The following ADAP2 variants were observed in gnomAD, a reference collection of about 807,000 sequenced individuals.
The protein encoded by ADAP2 is ArfGAP with dual PH domains 2.
ADAP2 carries 42 observed loss-of-function variants against 54.9 expected under a neutral mutation model. The observed-to-expected ratio is 0.77, with a 90% CI of 0.60 to 0.99. The LOEUF (loss-of-function observed/expected upper bound fraction) is 0.99. Ranked by LOEUF, ADAP2 falls within the 50% of genes least tolerant of loss-of-function variation. ADAP2 has a pLI of 0.00. For missense variants in ADAP2, 429 were observed against 480.4 expected, an observed-to-expected ratio of 0.89 and a Z score of 1.00; for synonymous variants, 177 against 180.1, an observed-to-expected ratio of 0.98 and a Z score of 0.14.
At chr17:30,941,097 T>G (rs2142549121) in intron 5 of ADAP2, among the ~76,000 whole-genome samples, 1 of 152,326 alleles carries the variant, frequency 6.6e-6, no homozygotes, top group South Asian at 2.1e-4. Context: ...AAATTTCCAT[T>G]GAAAGCTCTG....
At chr17:30,923,190 G>GGC in intron 2 of ADAP2, 120 bp downstream of exon 2, 1 of 1,160,786 alleles carries the variant, frequency 8.6e-7, no homozygotes, top group Middle Eastern at 1.9e-4. Flanking sequence ...AGTCTAGCTA[G>GGC]AGGAAACACA....
At chr17:30,948,268 T>G (rs747140781) in intron 6 of ADAP2, among the ~76,000 whole-genome samples, 1 of 152,008 alleles carries the variant, frequency 6.6e-6, no homozygotes, top group African/African-American at 2.4e-5. Context: ...ACTGATTAGA[T>G]TTGTAATTAG....
At chr17:30,928,904 C>T (rs528012275) in intron 3 of ADAP2, among the ~76,000 whole-genome samples, 2 of 152,310 alleles carry the variant, frequency 1.3e-5, no homozygotes, top group South Asian at 4.1e-4. Flanking sequence ...GAAGGAATCC[C>T]TTTAGGCTGA....
chr17:30,924,328 G>C (rs909793944), intron 2 of ADAP2, among the ~76,000 whole-genome samples: 1 of 151,262 alleles, frequency 6.6e-6, no homozygotes. Context: ...AGCTGAGATC[G>C]CACCACTGCA....
At chr17:30,951,775 C>T (rs1904663615) in intron 7 of ADAP2, among the ~76,000 whole-genome samples, 2 of 151,766 alleles carry the variant, frequency 1.3e-5, no homozygotes, top group African/African-American at 4.8e-5. Context: ...CCTGCCTCAG[C>T]CTCCCGAGTA....
chr17:30,922,856 C>T, intron 1 of ADAP2, 84 bp from the exon 2 acceptor site: 1 of 1,481,754 alleles, frequency 6.7e-7, no homozygotes, highest in Non-Finnish European at 9.2e-7. Context: ...AAGGGGCGCC[C>T]CACCTGCCCC....
Position 30,945,758 on chromosome 17 carries a change from A to AAAAAC in ADAP2, c.657+724_657+728dup, listed in dbSNP as rs566881657. 3.5e-4 allele frequency among the ~76,000 whole-genome samples: 53 copies of AAAAAC among 151,700 alleles called. 1 individual carries two copies. The highest frequency in any genetic ancestry group is 1.2e-3 in the African/African-American group (48 of 41,344). Reference sequence around the variant, plus strand: ...GGTGACAGAGCAGGACCCTGTCTCAAAAAACAAAACAAAACAAAACAAACC... The same window carrying AAAAAC: ...GGTGACAGAGCAGGACCCTGTCTCAAAAAACAAAACAAAACAAAACAAAACAAACC... On this transcript the variant is annotated intron_variant, in intron 6 of 10. Transcript: ENST00000330889.
chr17:30,932,225 A>G (rs1911543023), intron 4 of ADAP2, among the ~76,000 whole-genome samples: 1 of 145,526 alleles, frequency 6.9e-6, no homozygotes. Flanking sequence ...AAGTGTGTAC[A>G]GACTCTTTTT....
At position 30,949,365 on chromosome 17, in the gene ADAP2, T is replaced by C. The variant is rs778017041; in HGVS notation, c.736T>C (p.Ser246Pro). The C allele has an allele frequency of 1.2e-6, 2 of 1,613,720 alleles. No individual in the cohort carries two copies. Reference sequence around the variant, plus strand: ...AATGGCCTTTCCTGAACTCCCAGAGTCTGAGGTGAGCTAAATGCGGACCCC... The same window carrying C: ...AATGGCCTTTCCTGAACTCCCAGAGCCTGAGGTGAGCTAAATGCGGACCCC... The part of the protein sequence containing the change: ...LKMAFPELPE[S>P]ELVPFLTRNY... Residue 246 changes from serine to proline, a missense_variant, in exon 7 of 11, where the codon TCT (serine) becomes CCT (proline). Transcript: ENST00000330889.
chr17:30,956,431 G>C lies in ADAP2; in HGVS notation c.1073G>C (p.Gly358Ala), dbSNP rs752036479. 2 of 1,614,216 alleles carry C rather than the reference G, an allele frequency of 1.2e-6. No homozygotes were observed. Among genetic ancestry groups the C allele is most frequent in the East Asian group, 4.5e-5 (2 of 44,886 alleles). The change falls in exon 10 of 11, where the codon GGT becomes GCT. Residue 358 changes from glycine to alanine, a missense_variant. Coordinates refer to ENST00000330889, the MANE Select transcript of ADAP2 (RefSeq NM_018404.3). Reference protein sequence around the residue: ...EQQEWLESLRGVLSSPLTPLN... With the variant: ...EQQEWLESLRAVLSSPLTPLN... Reference sequence around the variant, plus strand: ...CAGGAATGGCTGGAAAGTTTGCGGGGTGTCCTGTCCAGCCCCTTGACGCCC... The same window carrying C: ...CAGGAATGGCTGGAAAGTTTGCGGGCTGTCCTGTCCAGCCCCTTGACGCCC...
intron 3 of ADAP2, among the ~76,000 whole-genome samples, chr17:30,928,370 C>T (rs770524926): frequency 2.0e-4 from 30 of 151,788 alleles, no homozygotes; most frequent in Non-Finnish European, 4.0e-4. Flanking sequence ...GTGGTACATG[C>T]CTGTAGTCCC....
intron 1 of ADAP2, among the ~76,000 whole-genome samples, chr17:30,922,379 A>C: frequency 6.6e-6 from 1 of 152,050 alleles, no homozygotes; most frequent in South Asian, 2.1e-4. Flanking sequence ...GGACCCGGAC[A>C]CGAGAGCCGG....
At chr17:30,922,819 G>A in intron 1 of ADAP2, 121 bp from the exon 2 acceptor site, 1 of 1,178,326 alleles carries the variant, frequency 8.5e-7, no homozygotes, top group Non-Finnish European at 1.2e-6. Flanking sequence ...GTGCCAGGCT[G>A]GCCGCTTAGT....
Position 30,948,463 on chromosome 17 carries a change from G to A in ADAP2, c.658-824G>A, listed in dbSNP as rs558461369. Reference sequence around the variant, plus strand: ...TGGGCGCCTGTAGTCCCAGCTACTCGGGAGGCTGAGGCAGGAGAATGGTGT... The same window carrying A: ...TGGGCGCCTGTAGTCCCAGCTACTCAGGAGGCTGAGGCAGGAGAATGGTGT... On this transcript the variant is annotated intron_variant, in intron 6 of 10. Transcript: ENST00000330889. Among the ~76,000 whole-genome samples the A allele has an allele frequency of 2.6e-5, 4 of 151,904 alleles. No individual in the cohort carries two copies. In the East Asian group the frequency reaches 5.8e-4, roughly 22 times the overall value.
At chr17:30,944,328 C>A (rs1912492323) in intron 5 of ADAP2, among the ~76,000 whole-genome samples, 1 of 151,774 alleles carries the variant, frequency 6.6e-6, no homozygotes, top group South Asian at 2.1e-4. Flanking sequence ...ACATTGAGTA[C>A]ACATGGACAC....
chr17:30,934,225 C>T lies in ADAP2; in HGVS notation c.438C>T (p.Asn146=). The part of the protein sequence containing the change: ...EGFLWKRGRD[N]SQFLRRKFVL... ...TCCTGTGGAAGCGAGGAAGGGACAA[C>T]TCACAGTTTCTGAGAAGGAAGTTTG... Residue 146 remains asparagine, a synonymous_variant, in exon 5 of 11, where the codon AAC becomes AAT. Transcript: ENST00000330889. 1 of 1,614,140 alleles carries T rather than the reference C, an allele frequency of 6.2e-7. No homozygotes were observed. The highest frequency in any genetic ancestry group is 8.5e-7 in the Non-Finnish European group (1 of 1,179,998).
Position 30,929,444 on chromosome 17 carries a change from T to A in ADAP2, c.318-2445T>A, listed in dbSNP as rs547396147. Among the ~76,000 whole-genome samples, 33 of 152,340 alleles carry A rather than the reference T, an allele frequency of 2.2e-4. No homozygotes were observed. The South Asian group carries it at 5.2e-3, about 24-fold the overall frequency. On this transcript the variant is annotated intron_variant, in intron 3 of 10. Coordinates refer to ENST00000330889, the MANE Select transcript of ADAP2 (RefSeq NM_018404.3). ...CCAAGTGCTCAGTGAACACGTGCGC[T>A]GTGCTAGGCTTCCTGCCGGCACTAA...
In ADAP2 at chr17:30,957,753, G is replaced by A. The variant is rs896571018; in HGVS notation, c.1112-82G>A. ...GCCATGGCTCCCTCTGTCTTTGTACGCCTGTCCCTTTGCTGTCCCTCTCCT... is the reference window on the plus strand; with the variant it reads ...GCCATGGCTCCCTCTGTCTTTGTACACCTGTCCCTTTGCTGTCCCTCTCCT... On this transcript the variant is annotated intron_variant, in intron 10 of 10. Transcript: ENST00000330889. 170 of 1,400,128 alleles carry A rather than the reference G, an allele frequency of 1.2e-4. 4 individuals are homozygous for A. The highest frequency in any genetic ancestry group is 1.1e-3 in the South Asian group (93 of 84,206). The allele number at this position is 1,400,128 out of a possible 1,614,324, so 86.7% of individuals were successfully genotyped here. A position where few individuals can be genotyped will look rare whatever the true frequency, so the allele number is the denominator to read the frequency against.
intron 5 of ADAP2, among the ~76,000 whole-genome samples, chr17:30,939,371 AT>A (rs1420761196): frequency 6.6e-6 from 1 of 150,946 alleles, no homozygotes; most frequent in Non-Finnish European, 1.5e-5. Flanking sequence ...AAGGTAACTA[AT>A]TTTTAGGTAA....
Sources: allele counts gnomAD v4.1 joint callset (sites outside exome capture counted in the v4.1 genomes callset), GRCh38; gene constraint gnomAD v4.1.1; transcripts MANE v1.5; gene names NCBI Gene and HGNC (gene_info 2026-07-23, HGNC 2026-07-21).